The following SRBD1 variants were observed in gnomAD, a reference collection of about 807,000 sequenced individuals.
SRBD1 encodes the protein S1 RNA binding domain 1, also known as S1 RNA-binding domain-containing protein 1.
In SRBD1, 88 loss-of-function variants were observed where a neutral mutation model predicts 115.3. The observed-to-expected ratio is 0.76, with a 90% CI of 0.64 to 0.91. The LOEUF is 0.91. Among genes scored for constraint, SRBD1 ranks in the 40% least tolerant of loss-of-function variants. The pLI is 0.00. For missense variants in SRBD1, 1,385 were observed against 1,177.4 expected (o/e 1.18, Z -2.58); for synonymous variants, 509 against 407.7 (o/e 1.25, Z -2.99).
intron 9 of SRBD1, among the ~76,000 whole-genome samples, chr2:45,570,595 T>C (rs986253365): frequency 6.6e-6 from 1 of 152,184 alleles, no homozygotes; most frequent in Admixed American, 6.5e-5. Context: ...GAATTAACTT[T>C]TTCGCAACTA....
intron 15 of SRBD1, among the ~76,000 whole-genome samples, chr2:45,480,008 GCCTGCA>G (rs1407946476): frequency 6.6e-6 from 1 of 152,076 alleles, no homozygotes; most frequent in Non-Finnish European, 1.5e-5. Flanking sequence ...AAACAACAAA[GCCTGCA>G]CGATGGCACA....
chr2:45,608,713 G>C (rs1448457309), intron 1 of SRBD1, among the ~76,000 whole-genome samples: 1 of 152,020 alleles, frequency 6.6e-6, no homozygotes, highest in Non-Finnish European at 1.5e-5. Context: ...CATCCACAAT[G>C]GAACTCTTGA....
In SRBD1 at chr2:45,486,281, T is replaced by C. The variant is rs150332359; in HGVS notation, c.1966+1959A>G. Among the ~76,000 whole-genome samples, 10 of 152,288 alleles carry C rather than the reference T, an allele frequency of 6.6e-5. No individual in the cohort carries two copies. The South Asian group carries it at 1.2e-3, about 19-fold the overall frequency. On this transcript the variant is annotated intron_variant, in intron 15 of 20. Coordinates refer to ENST00000263736, the MANE Select transcript of SRBD1 (RefSeq NM_018079.5). Reference sequence around the variant, plus strand: ...TCTAAATATTTTTTCCAACACACTATTGGGAGATACCTTCTCAATAGCAAC... The same window carrying C: ...TCTAAATATTTTTTCCAACACACTACTGGGAGATACCTTCTCAATAGCAAC...
rs550404224 is a variant in SRBD1 at position 45,449,832 on chromosome 2, G to C, written c.2049+27161C>G. On this transcript the variant is annotated intron_variant, in intron 16 of 20. Coordinates refer to ENST00000263736, the MANE Select transcript of SRBD1 (RefSeq NM_018079.5). ...TTAACACGAACTAGAGTCATCTTGA[G>C]TCAACTACTTCAATTCAACTTCAGG... is the stretch of plus-strand genomic sequence containing the variant. Among the ~76,000 whole-genome samples, 6 of 152,304 alleles carry C rather than the reference G, an allele frequency of 3.9e-5. No homozygotes were observed. In the East Asian group the frequency reaches 9.6e-4, roughly 24 times the overall value.
chr2:45,599,049 C>T (rs1426368728), intron 4 of SRBD1, among the ~76,000 whole-genome samples: 2 of 152,190 alleles, frequency 1.3e-5, no homozygotes, highest in East Asian at 3.8e-4. Flanking sequence ...TACATTACAA[C>T]ATTATACTAA....
chr2:45,587,698 T>A (rs890653094), intron 4 of SRBD1, among the ~76,000 whole-genome samples: 1 of 152,218 alleles, frequency 6.6e-6, no homozygotes, highest in Non-Finnish European at 1.5e-5. Flanking sequence ...CATTAAATCC[T>A]GAGGTCTACA....
chr2:45,431,071 A>G (rs985952133), intron 16 of SRBD1, among the ~76,000 whole-genome samples: 1 of 152,260 alleles, frequency 6.6e-6, no homozygotes, highest in African/African-American at 2.4e-5. Flanking sequence ...GAGAAACACA[A>G]TCAAAACCAC....
intron 14 of SRBD1, among the ~76,000 whole-genome samples, chr2:45,502,301 T>C (rs1670658630): frequency 6.6e-6 from 1 of 152,158 alleles, no homozygotes; most frequent in African/African-American, 2.4e-5. Context: ...AGAAACACCA[T>C]TTGATTTGAC....
At chr2:45,449,017 AC>A (rs1313275248) in intron 16 of SRBD1, among the ~76,000 whole-genome samples, 2 of 152,232 alleles carry the variant, frequency 1.3e-5, no homozygotes, top group African/African-American at 4.8e-5. Context: ...AACTATTTGA[AC>A]ATTTTATTTT....
At chr2:45,479,432 A>T (rs1252933957) in intron 15 of SRBD1, among the ~76,000 whole-genome samples, 1 of 152,236 alleles carries the variant, frequency 6.6e-6, no homozygotes, top group Admixed American at 6.5e-5. Flanking sequence ...ACTCCAGTGG[A>T]CACACAAATG....
At chr2:45,488,383 A>G (rs1670185528) in intron 14 of SRBD1, 52 bp from the exon 15 acceptor site, 1 of 1,518,170 alleles carries the variant, frequency 6.6e-7, no homozygotes, top group South Asian at 1.2e-5. Context: ...CTGCCTGGTC[A>G]AAGAAAATAA....
At chr2:45,445,242 T>C (rs1406772125) in intron 16 of SRBD1, among the ~76,000 whole-genome samples, 1 of 152,170 alleles carries the variant, frequency 6.6e-6, no homozygotes, top group African/African-American at 2.4e-5. Context: ...AAGACTTACA[T>C]GGTTTTCATC....
At chr2:45,477,602 T>G (rs1311819756) in intron 15 of SRBD1, among the ~76,000 whole-genome samples, 1 of 152,156 alleles carries the variant, frequency 6.6e-6, no homozygotes, top group Non-Finnish European at 1.5e-5. Context: ...CTGGATAGAG[T>G]GCAGTGGTGC....
intron 11 of SRBD1, among the ~76,000 whole-genome samples, chr2:45,551,861 A>C (rs1672311574): frequency 1.3e-5 from 2 of 152,204 alleles, no homozygotes; most frequent in Non-Finnish European, 2.9e-5. Flanking sequence ...ACAAGCATGA[A>C]ATTGTGAGAT....
intron 14 of SRBD1, among the ~76,000 whole-genome samples, chr2:45,502,977 G>A (rs1056570082): frequency 3.9e-5 from 6 of 152,120 alleles, no homozygotes; most frequent in East Asian, 3.9e-4. Context: ...AAGCCACTGC[G>A]CCCAGCAAAA....
intron 16 of SRBD1, among the ~76,000 whole-genome samples, chr2:45,424,257 C>A (rs1668088625): frequency 6.6e-6 from 1 of 152,078 alleles, no homozygotes; most frequent in East Asian, 1.9e-4. Flanking sequence ...AAGATGGTTC[C>A]CAATGATCCT....
intron 14 of SRBD1, among the ~76,000 whole-genome samples, chr2:45,503,262 T>G (rs1028608956): frequency 7.9e-5 from 12 of 152,152 alleles, no homozygotes; most frequent in African/African-American, 2.9e-4. Context: ...ATAAATAAAT[T>G]TATTTTCATT....
At chr2:45,443,289 A>G (rs1668725125) in intron 16 of SRBD1, among the ~76,000 whole-genome samples, 1 of 152,194 alleles carries the variant, frequency 6.6e-6, no homozygotes, top group African/African-American at 2.4e-5. Flanking sequence ...AAGCAGATGG[A>G]GTTAATAGTA....
intron 4 of SRBD1, among the ~76,000 whole-genome samples, chr2:45,597,176 T>C (rs1051129292): frequency 1.3e-5 from 2 of 152,240 alleles, no homozygotes; most frequent in East Asian, 1.9e-4. Flanking sequence ...ATCCCTGCAC[T>C]TTGGGAGAAA....
Sources: allele counts gnomAD v4.1 joint callset (sites outside exome capture counted in the v4.1 genomes callset), GRCh38; gene constraint gnomAD v4.1.1; transcripts MANE v1.5; gene names NCBI Gene and HGNC (gene_info 2026-07-23, HGNC 2026-07-21).